Variants in EDIL3 observed in about 807,000 individuals in gnomAD.
EDIL3 encodes the protein EGF-like repeat and discoidin I-like domain-containing protein 3.
A neutral mutation model predicts 67.4 loss-of-function variants in EDIL3; 37 were observed. The ratio of observed to expected loss-of-function variants is 0.55; its 90% CI spans 0.42 to 0.72. EDIL3 has a LOEUF of 0.72. Among genes scored for constraint, EDIL3 ranks in the 30% least tolerant of loss-of-function variants. The probability of loss-of-function intolerance (pLI) is 0.00; values close to 1 mark genes in which losing one functional copy is unlikely to be tolerated. For missense variants in EDIL3, 527 were observed against 586.3 expected, an observed-to-expected ratio of 0.90 and a Z score of 1.04; for synonymous variants, 195 against 196.3, an observed-to-expected ratio of 0.99 and a Z score of 0.05.
intron 1 of EDIL3, among the ~76,000 whole-genome samples, chr5:84,291,768 C>A (rs934948508): frequency 9.1e-4 from 130 of 143,546 alleles, no homozygotes; most frequent in African/African-American, 3.2e-3. Flanking sequence ...ATCTATATAT[C>A]TATATATCAT....
intron 1 of EDIL3, among the ~76,000 whole-genome samples, chr5:84,265,464 T>G (rs982211286): frequency 2.4e-4 from 37 of 152,316 alleles, no homozygotes; most frequent in African/African-American, 8.9e-4. Flanking sequence ...AGACAGCTAG[T>G]TAACTTTGGA....
chr5:83,990,803 C>A (rs1745137255), intron 9 of EDIL3, among the ~76,000 whole-genome samples: 1 of 151,634 alleles, frequency 6.6e-6, no homozygotes, highest in Non-Finnish European at 1.5e-5. Flanking sequence ...TTGCTTGAAC[C>A]CGAGAGGTGG....
chr5:84,345,579 A>T (rs1222445900), intron 1 of EDIL3, among the ~76,000 whole-genome samples: 4 of 152,160 alleles, frequency 2.6e-5, no homozygotes, highest in Non-Finnish European at 5.9e-5. Flanking sequence ...CCTTAAAAAA[A>T]GTTCATGTCA....
chr5:84,177,743 TA>T (rs1748946469), intron 4 of EDIL3, among the ~76,000 whole-genome samples: 1 of 152,126 alleles, frequency 6.6e-6, no homozygotes, highest in African/African-American at 2.4e-5. Context: ...TTAAGTCTAT[TA>T]ATGATAAAAC....
At chr5:84,071,340 C>G (rs1176030363) in intron 6 of EDIL3, among the ~76,000 whole-genome samples, 1 of 152,148 alleles carries the variant, frequency 6.6e-6, no homozygotes, top group East Asian at 1.9e-4. Flanking sequence ...ATAACAAATT[C>G]TCTAGGGAAT....
chr5:84,276,570 A>G (rs2112102210), intron 1 of EDIL3, among the ~76,000 whole-genome samples: 1 of 151,658 alleles, frequency 6.6e-6, no homozygotes, highest in African/African-American at 2.4e-5. Context: ...TTGATTATAT[A>G]CTTATTTTTT....
intron 3 of EDIL3, among the ~76,000 whole-genome samples, chr5:84,191,237 T>A (rs1318509294): frequency 2.6e-5 from 4 of 152,100 alleles, no homozygotes; most frequent in Non-Finnish European, 2.9e-5. Context: ...TTCTTTCTCC[T>A]ATAATATAGC....
intron 3 of EDIL3, among the ~76,000 whole-genome samples, chr5:84,200,875 T>C (rs1310342802): frequency 3.9e-5 from 6 of 152,094 alleles, no homozygotes; most frequent in Admixed American, 2.6e-4. Flanking sequence ...CAAGTCTATA[T>C]GATTTACAGT....
At chr5:84,309,896 A>G (rs1746350470) in intron 1 of EDIL3, among the ~76,000 whole-genome samples, 1 of 152,160 alleles carries the variant, frequency 6.6e-6, no homozygotes, top group Admixed American at 6.5e-5. Flanking sequence ...TTCTAGTTCT[A>G]GATCCCTGAA....
intron 4 of EDIL3, among the ~76,000 whole-genome samples, chr5:84,145,225 A>G (rs1272955601): frequency 6.6e-6 from 1 of 152,144 alleles, no homozygotes; most frequent in South Asian, 2.1e-4. Flanking sequence ...GAGATATGGA[A>G]GATTGCTTGC....
At chr5:84,021,898 A>G (rs1745723105) in intron 9 of EDIL3, among the ~76,000 whole-genome samples, 2 of 151,956 alleles carry the variant, frequency 1.3e-5, no homozygotes, top group Admixed American at 1.3e-4. Flanking sequence ...GTGAGATTGA[A>G]CCAGTAATAA....
intron 3 of EDIL3, among the ~76,000 whole-genome samples, chr5:84,183,077 C>T (rs1219793914): frequency 6.6e-6 from 1 of 152,188 alleles, no homozygotes; most frequent in Non-Finnish European, 1.5e-5. Context: ...TTCCTCCCTC[C>T]TCACAAATTA....
chr5:84,300,393 C>T (rs1399744624), intron 1 of EDIL3, among the ~76,000 whole-genome samples: 4 of 152,172 alleles, frequency 2.6e-5, no homozygotes, highest in Admixed American at 2.6e-4. Context: ...TTAGCCTTAA[C>T]GACACCTGCA....
chr5:83,975,561 C>G (rs1744863965), intron 9 of EDIL3, among the ~76,000 whole-genome samples: 1 of 151,746 alleles, frequency 6.6e-6, no homozygotes, highest in African/African-American at 2.4e-5. Context: ...ACATTTTTTA[C>G]ATAACTGTCT....
At chr5:84,125,252 G>A (rs948411984) in intron 5 of EDIL3, among the ~76,000 whole-genome samples, 3 of 151,976 alleles carry the variant, frequency 2.0e-5, no homozygotes, top group Non-Finnish European at 4.4e-5. Context: ...CCAGACAAAT[G>A]TATGTCAGAG....
At chr5:84,096,686 T>C (rs1320504305) in intron 6 of EDIL3, among the ~76,000 whole-genome samples, 1 of 152,132 alleles carries the variant, frequency 6.6e-6, no homozygotes, top group African/African-American at 2.4e-5. Flanking sequence ...TGGGGGACTG[T>C]TGGGAAGGCA....
At chr5:84,169,167 C>A (rs552130685) in intron 4 of EDIL3, among the ~76,000 whole-genome samples, 1 of 151,932 alleles carries the variant, frequency 6.6e-6, no homozygotes, top group African/African-American at 2.4e-5. Context: ...TCCATTCTTA[C>A]AAAACATAAC....
intron 2 of EDIL3, among the ~76,000 whole-genome samples, chr5:84,246,176 C>A (rs1283443038): frequency 6.6e-6 from 1 of 152,190 alleles, no homozygotes; most frequent in Non-Finnish European, 1.5e-5. Flanking sequence ...AAACTAGCCA[C>A]AAACTCCTCC....
chr5:84,255,014 A>T (rs886810321), intron 1 of EDIL3, among the ~76,000 whole-genome samples: 1 of 152,188 alleles, frequency 6.6e-6, no homozygotes, highest in Non-Finnish European at 1.5e-5. Context: ...GTATGCGATG[A>T]ACTTTTCATA....
Sources: gnomAD v4.1 joint callset for allele counts (sites outside exome capture counted in the v4.1 genomes callset) on GRCh38, gnomAD v4.1.1 for gene constraint, MANE v1.5 for transcripts, NCBI Gene and HGNC (gene_info 2026-07-23, HGNC 2026-07-21) for gene names.